The following CCDC34 variants were observed in gnomAD, a reference collection of about 807,000 sequenced individuals.
CCDC34 encodes coiled-coil domain containing 34, also known as coiled-coil domain-containing protein 34.
In CCDC34, 40 loss-of-function variants were observed where a neutral mutation model predicts 44.1. The ratio of observed to expected loss-of-function variants is 0.91; its 90% confidence interval spans 0.70 to 1.18. The LOEUF is 1.18. Ranked by LOEUF, CCDC34 falls within the 50% of genes most tolerant of loss-of-function variation. The pLI, the probability that CCDC34 is intolerant of heterozygous loss-of-function variation, is 0.00. For missense variants in CCDC34, 466 were observed against 452.3 expected (o/e 1.03, Z -0.28); for synonymous variants, 159 against 158.2 (o/e 1.01, Z -0.04).
chr11:27,346,273 A>G (rs2133341482), intron 3 of CCDC34, among the ~76,000 whole-genome samples: 1 of 152,016 alleles, frequency 6.6e-6, no homozygotes, highest in African/African-American at 2.4e-5. Flanking sequence ...GTATACTCCT[A>G]TAATCCCAGC....
rs1364675329 is a variant in CCDC34 at position 27,338,839 on chromosome 11, CAG to C, written c.1102_1103del (p.Leu368ValfsTer20). The C allele has an allele frequency of 1.9e-6, 3 of 1,612,480 alleles. No individual in the cohort carries two copies. The highest frequency in any genetic ancestry group is 2.5e-6 in the Non-Finnish European group (3 of 1,179,036). ...KARSNLCLGT[L>X]CRIQR Reference sequence around the variant, plus strand: ...ACATACGCTATCTTTGTATTCTGCACAGAGTTCCAAGGCAAAGATTGCTCCTG... The same window carrying C: ...ACATACGCTATCTTTGTATTCTGCACAGTTCCAAGGCAAAGATTGCTCCTG... On this transcript the variant is annotated frameshift_variant, in exon 6 of 6. Transcript: ENST00000328697. LOFTEE classifies it high-confidence loss of function.
At position 27,339,399 on chromosome 11, in the gene CCDC34, A is replaced by G. The variant is rs527965933; in HGVS notation, c.908-364T>C. 6.6e-5 allele frequency among the ~76,000 whole-genome samples: 10 copies of G among 152,312 alleles called. No individual in the cohort carries two copies. In the South Asian group the frequency reaches 1.9e-3, roughly 28 times the overall value. ...CAGTCTGGGAAACTACTGATTGTGT[A>G]CTAGCTTCCTCTTGTCAGATACTGA... On this transcript the variant is annotated intron_variant, in intron 5 of 5. Coordinates refer to ENST00000328697, the MANE Select transcript of CCDC34 (RefSeq NM_030771.2).
chr11:27,358,406 A>G (rs1001467393), intron 1 of CCDC34, among the ~76,000 whole-genome samples: 2 of 152,200 alleles, frequency 1.3e-5, no homozygotes, highest in African/African-American at 4.8e-5. Flanking sequence ...TCTAAAGACT[A>G]GTTTATTACA....
chr11:27,359,254 C>T (rs1862624210), intron 1 of CCDC34, among the ~76,000 whole-genome samples: 1 of 152,162 alleles, frequency 6.6e-6, no homozygotes, highest in African/African-American at 2.4e-5. Context: ...TGCCCTTTGC[C>T]TATCTTCCAG....
At position 27,363,186 on chromosome 11, in the gene CCDC34, C is replaced by A; in HGVS notation, c.9G>T (p.Ala3=). The A allele has an allele frequency of 2.0e-6, 3 of 1,481,490 alleles. No homozygotes were observed. The South Asian group carries it at 4.1e-5, about 20-fold the overall frequency. The allele number at this position is 1,481,490 out of a possible 1,614,324, so 91.8% of individuals were successfully genotyped here. A position where few individuals can be genotyped will look rare whatever the true frequency, so the allele number is the denominator to read the frequency against. MW[A]AGRWGPTFPS... ...GAAAAGTAGGCCCCCAGCGCCCCGC[C>A]GCCCACATCTGGCCCGCCAAGTTCA... The change falls in exon 1 of 6, where the codon GCG becomes GCT. Residue 3 remains alanine (A), a synonymous_variant. Transcript: ENST00000328697.
Position 27,338,753 on chromosome 11 carries a change from A to G in CCDC34, c.*68T>C. On this transcript the variant is annotated 3_prime_UTR_variant, in exon 6 of 6. Transcript: ENST00000328697. ...TTAAGTGTTGAGTTATTGACTGAGC[A>G]GTAAAAAACAATTTCTGATTTTTAA... is the stretch of plus-strand genomic sequence containing the variant. 7.9e-7 allele frequency: 1 copy of G among 1,272,510 alleles called. No individual in the cohort carries two copies. The highest frequency in any genetic ancestry group is 2.3e-5 in the East Asian group (1 of 43,078). The allele number at this position is 1,272,510 out of a possible 1,614,324, so 78.8% of individuals were successfully genotyped here. A position where few individuals can be genotyped will look rare whatever the true frequency, so the allele number is the denominator to read the frequency against.
chr11:27,363,112 G>A lies in CCDC34; in HGVS notation c.83C>T (p.Pro28Leu), dbSNP rs762190965. ...AGGGACTGAGCAGGAGTCCGAGGAG[G>A]GCCGAGACCTGGGTCTGCAGTCAGC... The part of the protein sequence containing the change: ...FSADCRPRSR[P>L]SSDSCSVPMT... Residue 28 changes from proline to leucine, a missense_variant, in exon 1 of 6, where the codon CCC (proline) becomes CTC (leucine). Transcript: ENST00000328697. 20 of 1,587,666 alleles carry A rather than the reference G, an allele frequency of 1.3e-5. No homozygotes were observed. In the Admixed American group the frequency reaches 3.1e-4, roughly 25 times the overall value.
intron 2 of CCDC34, among the ~76,000 whole-genome samples, chr11:27,351,433 C>T (rs1161737419): frequency 6.6e-6 from 1 of 152,136 alleles, no homozygotes; most frequent in Non-Finnish European, 1.5e-5. Flanking sequence ...ATCTGTCTTC[C>T]ATAATCACTC....
chr11:27,340,626 C>CT, intron 5 of CCDC34, 70 bp downstream of exon 5: 1 of 1,380,574 alleles, frequency 7.2e-7, no homozygotes, highest in Non-Finnish European at 9.8e-7. Flanking sequence ...ATTTCTATTT[C>CT]TGTCAAAAGG....
intron 1 of CCDC34, among the ~76,000 whole-genome samples, chr11:27,358,868 C>T (rs1052614837): frequency 1.3e-5 from 2 of 151,918 alleles, no homozygotes; most frequent in Admixed American, 6.6e-5. Context: ...TCTTACAATC[C>T]TACGTCAGTG....
intron 2 of CCDC34, among the ~76,000 whole-genome samples, chr11:27,354,896 C>T (rs1329421962): frequency 2.0e-5 from 3 of 152,090 alleles, no homozygotes; most frequent in Non-Finnish European, 4.4e-5. Context: ...ACACTTTTAA[C>T]TACTCCACTA....
At chr11:27,344,413 CTA>C (rs768931389) in intron 3 of CCDC34, among the ~76,000 whole-genome samples, 1 of 151,914 alleles carries the variant, frequency 6.6e-6, no homozygotes, top group African/African-American at 2.4e-5. Flanking sequence ...AACATGTATG[CTA>C]TATATTATAA....
At chr11:27,339,999 A>G (rs1346459186) in intron 5 of CCDC34, among the ~76,000 whole-genome samples, 1 of 152,066 alleles carries the variant, frequency 6.6e-6, no homozygotes, top group Non-Finnish European at 1.5e-5. Context: ...CATATGAGAG[A>G]GGCCTAATCC....
Position 27,350,324 on chromosome 11 carries a change from C to G in CCDC34, c.606+8G>C. 2 of 1,613,932 alleles carry G rather than the reference C, an allele frequency of 1.2e-6. No individual in the cohort carries two copies. The highest frequency in any genetic ancestry group is 8.5e-7 in the Non-Finnish European group (1 of 1,179,920). On this transcript the variant is annotated splice_region_variant and intron_variant, in intron 3 of 5. Transcript: ENST00000328697. ...TGTCAATGTGTGTATCCATTTTCCC[C>G]TCCTTACTTGCTCATTCTTTTTCTG... is the stretch of plus-strand genomic sequence containing the variant.
At chr11:27,356,943 G>GGGGGGGGGGGGGTTGGGGGTGGT (rs1862586037) in intron 2 of CCDC34, among the ~76,000 whole-genome samples, 1 of 634 alleles carries the variant, frequency 1.6e-3, no homozygotes, top group African/African-American at 2.2e-3. Context: ...GGGGGTGGTG[G>GGGGGGGGGGGGGTTGGGGGTGGT]GGGGGGGCAG....
intron 3 of CCDC34, among the ~76,000 whole-genome samples, chr11:27,347,771 A>T (rs893735319): frequency 6.6e-6 from 1 of 151,762 alleles, no homozygotes; most frequent in Non-Finnish European, 1.5e-5. Flanking sequence ...GCAAAAGGAA[A>T]CTCTCTGGGG....
At chr11:27,349,212 T>C (rs904064695) in intron 3 of CCDC34, 1 of 954,962 alleles carries the variant, frequency 1.0e-6, no homozygotes, top group African/African-American at 1.8e-5. Context: ...CAAAAAGATA[T>C]TACCCAAAGT....
At chr11:27,341,290 TAA>T (rs1862354057) in intron 4 of CCDC34, 100 bp downstream of exon 4, 5 of 697,696 alleles carry the variant, frequency 7.2e-6, no homozygotes, top group African/African-American at 3.7e-5. Context: ...TATTTTATGC[TAA>T]GATAGTGCCA....
Position 27,338,838 on chromosome 11 carries a change from A to T in CCDC34, c.1105T>A (p.Cys369Ser), listed in dbSNP as rs755426721. 22 of 1,612,424 alleles carry T rather than the reference A, an allele frequency of 1.4e-5. No homozygotes were observed. Among genetic ancestry groups the T allele is most frequent in the Non-Finnish European group, 1.7e-5 (20 of 1,178,884 alleles). ...CACATACGCTATCTTTGTATTCTGC[A>T]CAGAGTTCCAAGGCAAAGATTGCTC... ...ARSNLCLGTL[C>S]RIQR Residue 369 changes from cysteine (C) to serine (S), a missense_variant, in exon 6 of 6, where the codon TGC (cysteine) becomes AGC (serine). Physicochemically the swap from Cys to Ser is moderately radical, Grantham distance 112. Coordinates refer to ENST00000328697, the MANE Select transcript of CCDC34 (RefSeq NM_030771.2).
Sources: gnomAD v4.1 joint callset for allele counts (sites outside exome capture counted in the v4.1 genomes callset) on GRCh38, gnomAD v4.1.1 for gene constraint, MANE v1.5 for transcripts, NCBI Gene and HGNC (gene_info 2026-07-23, HGNC 2026-07-21) for gene names.